The following APBA2 variants were observed in gnomAD, a reference collection of about 807,000 sequenced individuals.
APBA2 encodes the protein amyloid-beta A4 precursor protein-binding family A member 2.
Under a neutral mutation model 75.0 loss-of-function variants are expected in APBA2, and 30 were observed. The observed-to-expected ratio is 0.40, with a 90% CI of 0.30 to 0.54. The LOEUF is 0.54. Ranked by LOEUF, APBA2 falls within the 20% of genes least tolerant of loss-of-function variation. The probability of loss-of-function intolerance (pLI) is 0.49; values close to 1 mark genes in which losing one functional copy is unlikely to be tolerated. For missense variants in APBA2, 801 were observed against 1,016.1 expected, an observed-to-expected ratio of 0.79 and a Z score of 2.88; for synonymous variants, 444 against 409.6, an observed-to-expected ratio of 1.08 and a Z score of -1.01.
At chr15:29,098,353 A>T in intron 8 of APBA2, 137 bp from the exon 9 acceptor site, 1 of 716,112 alleles carries the variant, frequency 1.4e-6, no homozygotes, top group South Asian at 1.5e-5. Context: ...GACAGATATG[A>T]AATGATATAT....
intron 1 of APBA2, among the ~76,000 whole-genome samples, chr15:28,891,167 TGA>T (rs2032104585): frequency 6.6e-6 from 1 of 152,224 alleles, no homozygotes. Flanking sequence ...TTCTGTGTGT[TGA>T]GTTTCATCCT....
chr15:29,050,197 C>A (rs570512699), intron 3 of APBA2, among the ~76,000 whole-genome samples: 1 of 152,066 alleles, frequency 6.6e-6, no homozygotes, highest in African/African-American at 2.4e-5. Flanking sequence ...TGCACATCTG[C>A]GAGACTGTAA....
chr15:28,946,474 GA>G (rs2035556406), intron 2 of APBA2, among the ~76,000 whole-genome samples: 1 of 152,222 alleles, frequency 6.6e-6, no homozygotes, highest in Non-Finnish European at 1.5e-5. Flanking sequence ...AAAAGGCAAG[GA>G]AACAGATTCT....
At chr15:28,943,782 C>G (rs1231019366) in intron 2 of APBA2, among the ~76,000 whole-genome samples, 3 of 152,198 alleles carry the variant, frequency 2.0e-5, no homozygotes, top group African/African-American at 7.2e-5. Context: ...GCCCTGGCCC[C>G]TCCTTGGGCT....
intron 8 of APBA2, among the ~76,000 whole-genome samples, chr15:29,094,771 G>A (rs545204676): frequency 5.5e-4 from 84 of 152,304 alleles, no homozygotes; most frequent in Admixed American, 1.4e-3. Context: ...TTGGAAATGA[G>A]TTTTTGGGCT....
At chr15:28,913,351 G>A (rs1031227140) in intron 1 of APBA2, among the ~76,000 whole-genome samples, 40 of 152,188 alleles carry the variant, frequency 2.6e-4, no homozygotes, top group Non-Finnish European at 5.6e-4. Context: ...CGACCACCAG[G>A]CTGCTCAGCA....
chr15:28,894,768 A>G (rs2032360087), intron 1 of APBA2, among the ~76,000 whole-genome samples: 1 of 151,992 alleles, frequency 6.6e-6, no homozygotes, highest in African/African-American at 2.4e-5. Context: ...TGGCTTCCCT[A>G]GCAGACAGGT....
intron 2 of APBA2, among the ~76,000 whole-genome samples, chr15:28,927,869 C>T (rs1015012459): frequency 2.0e-5 from 3 of 151,622 alleles, no homozygotes; most frequent in South Asian, 2.1e-4. Flanking sequence ...TTGGGCTGGG[C>T]GCGGTGGCTC....
At chr15:29,042,218 C>T (rs546250611) in intron 3 of APBA2, among the ~76,000 whole-genome samples, 17 of 152,276 alleles carry the variant, frequency 1.1e-4, no homozygotes, top group Non-Finnish European at 2.1e-4. Context: ...TTAGGGCCTA[C>T]GCAAATTACT....
intron 3 of APBA2, among the ~76,000 whole-genome samples, chr15:28,999,926 G>T (rs926060545): frequency 6.6e-6 from 1 of 152,148 alleles, no homozygotes; most frequent in African/African-American, 2.4e-5. Context: ...AGTCCAGGCC[G>T]AAAGGCCTGA....
At chr15:29,116,371 A>G (rs967556095) in intron 14 of APBA2, among the ~76,000 whole-genome samples, 3 of 152,104 alleles carry the variant, frequency 2.0e-5, no homozygotes, top group Non-Finnish European at 2.9e-5. Flanking sequence ...TCAGGCCTGT[A>G]ATCCCAGCAC....
chr15:29,073,332 GGT>G, intron 4 of APBA2, among the ~76,000 whole-genome samples: 1 of 152,302 alleles, frequency 6.6e-6, no homozygotes, highest in Middle Eastern at 3.4e-3. Flanking sequence ...TAAACCCTAA[GGT>G]GCTAGGTAAA....
At chr15:29,081,751 C>A (rs1040739662) in intron 6 of APBA2, among the ~76,000 whole-genome samples, 1 of 152,240 alleles carries the variant, frequency 6.6e-6, no homozygotes, top group South Asian at 2.1e-4. Flanking sequence ...TAAGCGGCAG[C>A]ACAGGATCGG....
intron 4 of APBA2, among the ~76,000 whole-genome samples, chr15:29,057,383 G>A (rs761043777): frequency 3.9e-4 from 59 of 152,210 alleles, no homozygotes; most frequent in Non-Finnish European, 6.9e-4. Flanking sequence ...TTGAAAAAGT[G>A]TGTCCTGGAT....
chr15:28,893,636 TC>T (rs2032281104), intron 1 of APBA2, among the ~76,000 whole-genome samples: 1 of 152,204 alleles, frequency 6.6e-6, no homozygotes, highest in African/African-American at 2.4e-5. Flanking sequence ...CTGTGAACTT[TC>T]TCTACCCTTT....
At chr15:29,002,548 G>T (rs952648277) in intron 3 of APBA2, among the ~76,000 whole-genome samples, 1 of 151,970 alleles carries the variant, frequency 6.6e-6, no homozygotes, top group African/African-American at 2.4e-5. Flanking sequence ...CATTTGCCAT[G>T]TGCTGGTCTC....
intron 3 of APBA2, among the ~76,000 whole-genome samples, chr15:29,015,733 A>C (rs1013214054): frequency 2.0e-5 from 3 of 152,192 alleles, no homozygotes; most frequent in African/African-American, 7.2e-5. Flanking sequence ...CTCAGTGACA[A>C]CTGCATCCAA....
At chr15:29,003,248 GAC>G (rs1248874361) in intron 3 of APBA2, among the ~76,000 whole-genome samples, 1 of 152,132 alleles carries the variant, frequency 6.6e-6, no homozygotes, top group East Asian at 1.9e-4. Flanking sequence ...ACAGAGAGAT[GAC>G]CAGGCTAGCG....
intron 6 of APBA2, among the ~76,000 whole-genome samples, chr15:29,082,687 A>G (rs1013893484): frequency 1.3e-5 from 2 of 152,084 alleles, no homozygotes; most frequent in African/African-American, 4.8e-5. Context: ...CATTTAGTCA[A>G]ATATATCAGT....
Sources: gnomAD v4.1 joint callset for allele counts (sites outside exome capture counted in the v4.1 genomes callset) on GRCh38, gnomAD v4.1.1 for gene constraint, MANE v1.5 for transcripts, NCBI Gene and HGNC (gene_info 2026-07-23, HGNC 2026-07-21) for gene names.